Variants in FCRL5 observed in about 807,000 individuals in gnomAD.
The protein encoded by FCRL5 is Fc receptor like 5.
Under a neutral mutation model 92.1 loss-of-function variants are expected in FCRL5, and 79 were observed. The ratio of observed to expected loss-of-function variants is 0.86; its 90% CI spans 0.72 to 1.03. FCRL5 has a LOEUF of 1.03. FCRL5 is among the 50% of genes least tolerant of loss of function. The pLI is 0.00. For synonymous variants in FCRL5, 466 were observed against 469.3 expected, an observed-to-expected ratio of 0.99 and a Z score of 0.09; for missense variants, 1,160 against 1,181.1, an observed-to-expected ratio of 0.98 and a Z score of 0.26.
intron 2 of FCRL5, among the ~76,000 whole-genome samples, chr1:157,548,691 T>A (rs1479501009): frequency 6.6e-6 from 1 of 152,180 alleles, no homozygotes; most frequent in African/African-American, 2.4e-5. Context: ...AAAATGCTCA[T>A]CATCACTGGC....
Position 157,527,673 on chromosome 1 carries a change from T to C in FCRL5, c.1904A>G (p.Glu635Gly). The C allele has an allele frequency of 6.2e-7, 1 of 1,614,108 alleles. No homozygotes were observed. Residue 635 changes from glutamate (E) to glycine (G), a missense_variant, in exon 9 of 17, where the codon GAG becomes GGG. Physicochemically the swap from Glu to Gly is moderately conservative, Grantham distance 98. Coordinates refer to ENST00000361835, the MANE Select transcript of FCRL5 (RefSeq NM_031281.3). Reference sequence around the variant, plus strand: ...CTGGGCCACTAGGCCATTGTTGGCCTCACATGAGTAGTTTCCAGAATGTTC... The same window carrying C: ...CTGGGCCACTAGGCCATTGTTGGCCCCACATGAGTAGTTTCCAGAATGTTC... ...TAEHSGNYSC[E>G]ANNGLVAQHS...
At chr1:157,538,450 C>A (rs1278791853) in intron 7 of FCRL5, among the ~76,000 whole-genome samples, 2 of 152,126 alleles carry the variant, frequency 1.3e-5, no homozygotes, top group East Asian at 1.9e-4. Flanking sequence ...CAAAGGAAAC[C>A]TTTTTGATGT....
chr1:157,514,527 CAGCCAG>C lies in FCRL5; in HGVS notation c.*1142_*1147del, dbSNP rs1253341146. On this transcript the variant is annotated 3_prime_UTR_variant, in exon 17 of 17. Transcript: ENST00000361835. ...CGTGTGAACCGAGTTGGGCCCTGGG[CAGCCAG>C]AGCCACACATTCCCTCTCCATGGGC... is the stretch of plus-strand genomic sequence containing the variant. 1.3e-5 allele frequency: 2 copies of C among 152,264 alleles called. No homozygotes were observed. Among genetic ancestry groups the C allele is most frequent in the Admixed American group, 6.5e-5 (1 of 15,282 alleles). 9.4% of individuals were successfully genotyped at this position (152,264 alleles called of 1,614,324 possible).
rs773749742 is a variant in FCRL5 at position 157,544,560 on chromosome 1, T to A, written c.560-14A>T. Reference sequence around the variant, plus strand: ...GTGTAAATGGCTCTAGAGAGAAGAATCACAACAGTCCCAGAGCAATGAGGC... The same window carrying A: ...GTGTAAATGGCTCTAGAGAGAAGAAACACAACAGTCCCAGAGCAATGAGGC... On this transcript the variant is annotated splice_polypyrimidine_tract_variant and intron_variant, in intron 4 of 16. Coordinates refer to ENST00000361835, the MANE Select transcript of FCRL5 (RefSeq NM_031281.3). 17 of 1,611,016 alleles carry A rather than the reference T, an allele frequency of 1.1e-5. No individual in the cohort carries two copies. The Admixed American group carries it at 1.7e-4, about 16-fold the overall frequency.
intron 5 of FCRL5, among the ~76,000 whole-genome samples, chr1:157,543,410 G>A (rs961495221): frequency 1.3e-5 from 2 of 152,156 alleles, no homozygotes; most frequent in Admixed American, 6.5e-5. Flanking sequence ...ATTTGCCATT[G>A]CTAGTTTTTC....
chr1:157,534,431 A>T lies in FCRL5; in HGVS notation c.1681+183T>A, dbSNP rs566924573. The T allele has an allele frequency of 4.8e-4, 353 of 731,972 alleles. 1 individual carries two copies. Among genetic ancestry groups the T allele is most frequent in the Non-Finnish European group, 8.4e-4 (337 of 399,548 alleles). 45.3% of individuals were successfully genotyped at this position (731,972 alleles called of 1,614,324 possible). ...GCTGGGGAATCTACTGAGCTGTTTT[A>T]GGGGTCTGGCTGAGCCAGGACTTAT... On this transcript the variant is annotated intron_variant, in intron 8 of 16. Coordinates refer to ENST00000361835, the MANE Select transcript of FCRL5 (RefSeq NM_031281.3).
Position 157,518,491 on chromosome 1 carries a change from G to GGATTT in FCRL5, c.2745_2749dup (p.Pro917GlnfsTer88). ...TGAGTAAACCACATTTTCTCCTCTAGGATTTGCTTAGAAAAAAGTTGAAGT... is the reference window on the plus strand; with the variant it reads ...TGAGTAAACCACATTTTCTCCTCTAGGATTTGATTTGCTTAGAAAAAAGTTGAAGT... On this transcript the variant is annotated frameshift_variant, in exon 15 of 17. Coordinates refer to ENST00000361835, the MANE Select transcript of FCRL5 (RefSeq NM_031281.3). LOFTEE classifies it high-confidence loss of function. The GGATTT allele has an allele frequency of 6.2e-7, 1 of 1,613,968 alleles. No individual in the cohort carries two copies. The highest frequency in any genetic ancestry group is 8.5e-7 in the Non-Finnish European group (1 of 1,179,884).
At chr1:157,527,577 T>A (rs1258886045) in intron 9 of FCRL5, 40 bp downstream of exon 9, 2 of 1,528,936 alleles carry the variant, frequency 1.3e-6, no homozygotes, top group East Asian at 2.3e-5. Flanking sequence ...TTAGGGGAGA[T>A]GGTCTTTTTA....
chr1:157,547,106 G>A lies in FCRL5; in HGVS notation c.144C>T (p.Arg48=). ...ERVTLTCKGF[R]FYSPQKTKWY... ...ATTTTGTTTTCTGTGGTGAGTAGAAGCGAAATCCCTTGCAAGTGAGGGTCA... is the reference window on the plus strand; with the variant it reads ...ATTTTGTTTTCTGTGGTGAGTAGAAACGAAATCCCTTGCAAGTGAGGGTCA... The change falls in exon 3 of 17, where the codon CGC becomes CGT. Residue 48 remains arginine (R), a synonymous_variant. Transcript: ENST00000361835. 6.2e-7 allele frequency: 1 copy of A among 1,614,122 alleles called. No homozygotes were observed. The highest frequency in any genetic ancestry group is 8.5e-7 in the Non-Finnish European group (1 of 1,180,022).
Position 157,527,698 on chromosome 1 carries a change from C to T in FCRL5, c.1879G>A (p.Glu627Lys). ...EASFNLSLTAEHSGNYSCEAN... is the reference protein window; with the variant it reads ...EASFNLSLTAKHSGNYSCEAN... ...TCACATGAGTAGTTTCCAGAATGTT[C>T]TGCAGTCAGAGAGAGGTTGAAAGAA... The change falls in exon 9 of 17, where the codon GAA becomes AAA. Residue 627 changes from glutamate (E) to lysine (K), a missense_variant. Glu to Lys is a moderately conservative substitution (Grantham distance 56). Transcript: ENST00000361835. The T allele has an allele frequency of 6.2e-7, 1 of 1,614,202 alleles. No individual in the cohort carries two copies. Among genetic ancestry groups the T allele is most frequent in the Non-Finnish European group, 8.5e-7 (1 of 1,180,028 alleles).
At position 157,547,180 on chromosome 1, in the gene FCRL5, T is replaced by G. The variant is rs1391141771; in HGVS notation, c.70A>C (p.Ile24Leu). The G allele has an allele frequency of 6.2e-7, 1 of 1,613,774 alleles. No individual in the cohort carries two copies. Among genetic ancestry groups the G allele is most frequent in the South Asian group, 1.1e-5 (1 of 91,050 alleles). The stretch of plus-strand genomic sequence containing the variant: ...GTCCATGGAGGCTGGAGGAAAATAA[T>G]GGGCCTGGGTGTCCTTGCTGAAGAG... ...SGQFARTPRP[I>L]IFLQPPWTTV... The change falls in exon 3 of 17, where the codon ATT (isoleucine) becomes CTT (leucine). Residue 24 changes from isoleucine to leucine, a missense_variant. Coordinates refer to ENST00000361835, the MANE Select transcript of FCRL5 (RefSeq NM_031281.3).
intron 8 of FCRL5, chr1:157,532,886 A>T (rs1009566198): frequency 2.7e-5 from 4 of 149,828 alleles, no homozygotes; most frequent in African/African-American, 1.0e-4. Context: ...GTTGGGCTAG[A>T]TTTTGTCATT....
At chr1:157,550,602 A>G (rs1253469073) in intron 1 of FCRL5, among the ~76,000 whole-genome samples, 2 of 152,212 alleles carry the variant, frequency 1.3e-5, no homozygotes, top group Admixed American at 6.5e-5. Flanking sequence ...TCCCTTCTCT[A>G]TAATGCAAGC....
At position 157,518,840 on chromosome 1, in the gene FCRL5, A is replaced by T. The variant is rs554960795; in HGVS notation, c.2661-58T>A. ...GAATCCAGACAAAGTAGCTATAATGATCACTCCTAGTGAGTGACTTCTTAC... is the reference window on the plus strand; with the variant it reads ...GAATCCAGACAAAGTAGCTATAATGTTCACTCCTAGTGAGTGACTTCTTAC... On this transcript the variant is annotated intron_variant, in intron 13 of 16. Coordinates refer to ENST00000361835, the MANE Select transcript of FCRL5 (RefSeq NM_031281.3). The T allele has an allele frequency of 6.2e-6, 9 of 1,443,634 alleles. No individual in the cohort carries two copies. In the African/African-American group the frequency reaches 1.3e-4, roughly 20 times the overall value. 89.4% of individuals were successfully genotyped at this position (1,443,634 alleles called of 1,614,324 possible).
chr1:157,550,841 G>T (rs12732692), intron 1 of FCRL5, among the ~76,000 whole-genome samples: 1 of 152,052 alleles, frequency 6.6e-6, no homozygotes, highest in Non-Finnish European at 1.5e-5. Flanking sequence ...AATTGAGTAG[G>T]TATTCTGCAT....
chr1:157,523,969 G>A, intron 10 of FCRL5: 1 of 433,440 alleles, frequency 2.3e-6, no homozygotes, highest in East Asian at 3.3e-5. Context: ...CATATGCTCA[G>A]AATTCTTTGG....
At chr1:157,541,809 A>T (rs1333330477) in intron 6 of FCRL5, 1 of 152,284 alleles carries the variant, frequency 6.6e-6, no homozygotes, top group Non-Finnish European at 1.5e-5. Context: ...ATGTCAGTAC[A>T]GTCTGGTCCA....
chr1:157,544,232 C>T (rs764978412), intron 5 of FCRL5, 30 bp downstream of exon 5: 2 of 1,608,642 alleles, frequency 1.2e-6, no homozygotes, highest in Non-Finnish European at 8.5e-7. Context: ...GCCCTCTCTG[C>T]AGCAAATCTC....
chr1:157,526,798 T>C (rs1478427582), intron 9 of FCRL5, among the ~76,000 whole-genome samples: 5 of 151,702 alleles, frequency 3.3e-5, no homozygotes, highest in Admixed American at 2.0e-4. Context: ...CTGAGAACAA[T>C]AGTGATAGGA....
Sources: gnomAD v4.1 joint callset for allele counts (sites outside exome capture counted in the v4.1 genomes callset) on GRCh38, gnomAD v4.1.1 for gene constraint, MANE v1.5 for transcripts, NCBI Gene and HGNC (gene_info 2026-07-23, HGNC 2026-07-21) for gene names.